SARS1: variants seen among roughly 807,000 people sequenced by gnomAD.
The protein encoded by SARS1 is serine--tRNA ligase, cytoplasmic.
SARS1 carries 25 observed loss-of-function variants against 63.7 expected under a neutral mutation model. That is an observed-to-expected ratio of 0.39 (90% confidence interval 0.29 to 0.55). The LOEUF (loss-of-function observed/expected upper bound fraction) is 0.55. Ranked by LOEUF, SARS1 falls within the 20% of genes least tolerant of loss-of-function variation. The probability of loss-of-function intolerance (pLI) is 0.62; values close to 1 mark genes in which losing one functional copy is unlikely to be tolerated. For synonymous variants in SARS1, 231 were observed against 243.5 expected (o/e 0.95, Z 0.48); for missense variants, 417 against 649.7 (o/e 0.64, Z 3.89).
intron 6 of SARS1, among the ~76,000 whole-genome samples, chr1:109,234,571 A>G (rs1655272793): frequency 6.6e-6 from 1 of 152,176 alleles, no homozygotes; most frequent in Admixed American, 6.5e-5. Context: ...GTGTTTAGTA[A>G]ACGTCTCACA....
chr1:109,237,508 T>G lies in SARS1; in HGVS notation c.1387+135T>G, dbSNP rs1570765435. 1 of 1,385,412 alleles carries G rather than the reference T, an allele frequency of 7.2e-7. No homozygotes were observed. The highest frequency in any genetic ancestry group is 2.2e-5 in the Admixed American group (1 of 45,908). 85.8% of individuals were successfully genotyped at this position (1,385,412 alleles called of 1,614,324 possible). On this transcript the variant is annotated intron_variant, in intron 10 of 10. Transcript: ENST00000234677. The surrounding 1 kb of genome is among the most constrained non-coding windows in gnomAD (Gnocchi z 4.1). The stretch of plus-strand genomic sequence containing the variant: ...TGAAACTCTGTCTGCCCTCTCGGGC[T>G]GGGCAGGGCAGGGGGCCTGGTTGAG...
At position 109,221,025 on chromosome 1, in the gene SARS1, T is replaced by TA. The variant is rs1488543640; in HGVS notation, c.137-2952dup. ...CTTCCTTAATCTGATAGTAGATACTTACAGAAAAACCCATAGCTAATTTTT... is the reference window on the plus strand; with the variant it reads ...CTTCCTTAATCTGATAGTAGATACTTAACAGAAAAACCCATAGCTAATTTTT... On this transcript the variant is annotated intron_variant, in intron 1 of 10. Coordinates refer to ENST00000234677, the MANE Select transcript of SARS1 (RefSeq NM_006513.4). Among the ~76,000 whole-genome samples, 2 of 151,634 alleles carry TA rather than the reference T, an allele frequency of 1.3e-5. 1 individual carries two copies.
In SARS1 at chr1:109,226,679, T is replaced by TATATATATATATATATACAC. The variant is rs1553177744; in HGVS notation, c.208-1656_208-1655insCACATATATATATATATATA. Among the ~76,000 whole-genome samples, 43 of 60,786 alleles carry TATATATATATATATATACAC rather than the reference T, an allele frequency of 7.1e-4. 1 individual carries two copies. Among genetic ancestry groups the TATATATATATATATATACAC allele is most frequent in the Middle Eastern group, 0.02 (1 of 50 alleles). 39.9% of individuals were successfully genotyped at this position (60,786 alleles called of 152,430 possible). A position where few individuals can be genotyped will look rare whatever the true frequency, so the allele number is the denominator to read the frequency against. The stretch of plus-strand genomic sequence containing the variant: ...TGGCTAATTTAAAAAAAAAAAAAAA[T>TATATATATATATATATACAC]ATATATATATATATATATACACACA... On this transcript the variant is annotated intron_variant, in intron 2 of 10. Coordinates refer to ENST00000234677, the MANE Select transcript of SARS1 (RefSeq NM_006513.4).
At position 109,213,941 on chromosome 1, in the gene SARS1, G is replaced by A. The variant is rs1028855075; in HGVS notation, c.-52G>A. On this transcript the variant is annotated 5_prime_UTR_variant, in exon 1 of 11. The change creates a new upstream start codon in the 5' untranslated region. Transcript: ENST00000234677. ...GCGCAGTGCGGCGGTCACAGGCTGA[G>A]TGCTGCGGCGCGATCCTTGCTTCCC... is the stretch of plus-strand genomic sequence containing the variant. The A allele has an allele frequency of 2.7e-5, 42 of 1,560,060 alleles. No homozygotes were observed. The Admixed American group carries it at 3.1e-4, about 11-fold the overall frequency.
intron 3 of SARS1, among the ~76,000 whole-genome samples, 155 bp from the exon 4 acceptor site, chr1:109,229,259 G>T (rs657511): frequency 0.99 from 150,754 of 152,324 alleles, 74,618 homozygotes; most frequent in Middle Eastern, 1. Flanking sequence ...GTGTGTGAAG[G>T]AAATCTCAGT....
intron 3 of SARS1, among the ~76,000 whole-genome samples, chr1:109,229,007 C>T (rs1032746021): frequency 3.3e-5 from 5 of 152,164 alleles, no homozygotes; most frequent in African/African-American, 1.2e-4. Flanking sequence ...TCTCTTACTC[C>T]TAATAAATTT....
chr1:109,237,228 G>C lies in SARS1; in HGVS notation c.1258-16G>C, dbSNP rs777577299. ...GAGTTGAGCCCGACTTCCCCTCTGGGACCCTGTCTTCCCAGGTGGAGTTTG... is the reference window on the plus strand; with the variant it reads ...GAGTTGAGCCCGACTTCCCCTCTGGCACCCTGTCTTCCCAGGTGGAGTTTG... On this transcript the variant is annotated splice_polypyrimidine_tract_variant and intron_variant, in intron 9 of 10. Transcript: ENST00000234677. This position sits in a 1 kb window ranked among gnomAD's most constrained non-coding sequence, Gnocchi z 4.1. The C allele has an allele frequency of 1.9e-6, 3 of 1,606,252 alleles. No individual in the cohort carries two copies. Among genetic ancestry groups the C allele is most frequent in the Middle Eastern group, 1.7e-4 (1 of 6,000 alleles).
In SARS1 at chr1:109,231,167, A is replaced by G. The variant is rs537394010; in HGVS notation, c.591+146A>G. ...GTTGTACTTGCCTTTCTGCAAATGT[A>G]TTGGCAATTAGATGCAATTCTCTTT... On this transcript the variant is annotated intron_variant, in intron 5 of 10. Coordinates refer to ENST00000234677, the MANE Select transcript of SARS1 (RefSeq NM_006513.4). 2.1e-5 allele frequency: 9 copies of G among 433,780 alleles called. No individual in the cohort carries two copies. The East Asian group carries it at 3.3e-4, about 16-fold the overall frequency. The allele number at this position is 433,780 out of a possible 1,614,324, so 26.9% of individuals were successfully genotyped here.
At chr1:109,216,860 C>A in intron 1 of SARS1, 2 of 908,112 alleles carry the variant, frequency 2.2e-6, no homozygotes, top group Non-Finnish European at 2.6e-6. Context: ...TGGCCTCAAG[C>A]GATCCTCCCA....
At chr1:109,215,082 T>G in intron 1 of SARS1, 2 of 985,426 alleles carry the variant, frequency 2.0e-6, no homozygotes. Flanking sequence ...TGTGATGGAT[T>G]TCTATTAGGA....
At chr1:109,231,082 T>C in intron 5 of SARS1, 61 bp downstream of exon 5, 2 of 739,704 alleles carry the variant, frequency 2.7e-6, no homozygotes, top group Non-Finnish European at 3.4e-6. Flanking sequence ...TATATATATA[T>C]ATTTTTTTTT....
rs757866387 is a variant in SARS1, at chr1:109,235,737, C to A, written c.970-240C>A. On this transcript the variant is annotated intron_variant, in intron 7 of 10. Transcript: ENST00000234677. The surrounding 1 kb of genome is among the most constrained non-coding windows in gnomAD (Gnocchi z 4.7). The stretch of plus-strand genomic sequence containing the variant: ...GCCTGCCTCACCAGGCCTATTGTGG[C>A]CTATTGTGAGGATTATCCCAGTCAC... Among the ~76,000 whole-genome samples the A allele has an allele frequency of 3.3e-5, 5 of 152,144 alleles. No homozygotes were observed. The highest frequency in any genetic ancestry group is 7.4e-5 in the Non-Finnish European group (5 of 68,018).
chr1:109,227,785 G>A (rs1655121781), intron 2 of SARS1, among the ~76,000 whole-genome samples: 1 of 151,856 alleles, frequency 6.6e-6, no homozygotes, highest in Non-Finnish European at 1.5e-5. Flanking sequence ...CAGACGTGGT[G>A]GTGCACTCCT....
intron 2 of SARS1, among the ~76,000 whole-genome samples, chr1:109,225,459 G>A (rs1018622716): frequency 4.6e-5 from 7 of 152,140 alleles, no homozygotes. Context: ...TGTTCTTTGG[G>A]ACCTATGTAC....
intron 1 of SARS1, among the ~76,000 whole-genome samples, chr1:109,218,118 G>T (rs575547088): frequency 6.7e-6 from 1 of 149,708 alleles, no homozygotes; most frequent in East Asian, 2.0e-4. Context: ...GCGTGAACCC[G>T]GGAGGCAGAG....
chr1:109,215,841 A>T, intron 1 of SARS1: 1 of 318,124 alleles, frequency 3.1e-6, no homozygotes, highest in Non-Finnish European at 4.5e-6. Context: ...AGTAGCTGGG[A>T]CTACAGGTGT....
intron 5 of SARS1, 53 bp downstream of exon 5, chr1:109,231,074 T>A: frequency 5.1e-6 from 5 of 980,852 alleles, no homozygotes; most frequent in Non-Finnish European, 5.1e-6. Flanking sequence ...ACAAAATATA[T>A]ATATATATAT....
chr1:109,226,164 TG>T (rs568619612), intron 2 of SARS1, among the ~76,000 whole-genome samples: 1,926 of 148,534 alleles, frequency 0.013, 17 homozygotes, highest in Non-Finnish European at 0.021. Flanking sequence ...TTTTTTTTTT[TG>T]TTGAGATGGA....
chr1:109,219,717 G>C (rs961256638), intron 1 of SARS1, among the ~76,000 whole-genome samples: 1 of 152,036 alleles, frequency 6.6e-6, no homozygotes, highest in Non-Finnish European at 1.5e-5. Context: ...GTTTCACCAT[G>C]TTAGCCAGGA....
Sources: gnomAD v4.1 joint callset for allele counts (sites outside exome capture counted in the v4.1 genomes callset) on GRCh38, gnomAD v4.1.1 for gene constraint, Gnocchi (gnomAD v3.1) non-coding constraint, MANE v1.5 for transcripts, NCBI Gene and HGNC (gene_info 2026-07-23, HGNC 2026-07-21) for gene names.